The following HMGCLL1 variants were observed in gnomAD, a reference collection of about 807,000 sequenced individuals.
HMGCLL1 encodes the protein 3-hydroxymethyl-3-methylglutaryl-CoA lyase, cytoplasmic.
In HMGCLL1, 36 loss-of-function variants were observed where a neutral mutation model predicts 39.1. That is an observed-to-expected ratio of 0.92 (90% CI 0.71 to 1.22). HMGCLL1 has a LOEUF of 1.22. HMGCLL1 is among the 50% of genes most tolerant of loss of function. HMGCLL1 has a pLI of 0.00. For missense variants in HMGCLL1, 451 were observed against 416.5 expected (o/e 1.08, Z -0.72); for synonymous variants, 149 against 144.0 (o/e 1.03, Z -0.25).
At chr6:55,550,341 C>T (rs1770260094) in intron 1 of HMGCLL1, among the ~76,000 whole-genome samples, 1 of 151,850 alleles carries the variant, frequency 6.6e-6, no homozygotes, top group African/African-American at 2.4e-5. Flanking sequence ...TCTGTAATCA[C>T]CCTCAGCTAC....
intron 8 of HMGCLL1, among the ~76,000 whole-genome samples, chr6:55,436,338 G>A (rs1763372360): frequency 6.6e-6 from 1 of 152,012 alleles, no homozygotes; most frequent in South Asian, 2.1e-4. Flanking sequence ...GTACACATCT[G>A]GAACTTGTTC....
At chr6:55,522,140 T>C (rs1404132086) in intron 3 of HMGCLL1, among the ~76,000 whole-genome samples, 2 of 151,920 alleles carry the variant, frequency 1.3e-5, no homozygotes, top group Admixed American at 6.6e-5. Context: ...GATTGGTATA[T>C]TATTGATATA....
At chr6:55,448,470 C>G (rs1763951446) in intron 7 of HMGCLL1, among the ~76,000 whole-genome samples, 1 of 151,656 alleles carries the variant, frequency 6.6e-6, no homozygotes, top group Admixed American at 6.6e-5. Context: ...TTCCAATCCT[C>G]TATAATAAAT....
chr6:55,622,977 G>A, the HMGCLL1 span, among the ~76,000 whole-genome samples: 2 of 151,884 alleles, frequency 1.3e-5, no homozygotes, highest in East Asian at 1.9e-4. Flanking sequence ...TTTCTTCCTG[G>A]TTCAATCTTG....
chr6:55,452,216 C>T (rs1000520167), intron 7 of HMGCLL1, among the ~76,000 whole-genome samples: 1 of 152,152 alleles, frequency 6.6e-6, no homozygotes, highest in Non-Finnish European at 1.5e-5. Context: ...AAGTGCCTCT[C>T]ATAAAGAAGG....
At chr6:55,669,149 C>T in the HMGCLL1 span, among the ~76,000 whole-genome samples, 4 of 151,484 alleles carry the variant, frequency 2.6e-5, no homozygotes, top group African/African-American at 9.7e-5. Context: ...TTATTAATTC[C>T]TGGAGTCACT....
chr6:55,460,166 G>A (rs1764495337), intron 7 of HMGCLL1, among the ~76,000 whole-genome samples: 1 of 151,944 alleles, frequency 6.6e-6, no homozygotes, highest in Non-Finnish European at 1.5e-5. Context: ...ATATATAGCT[G>A]TGTTTTAGAA....
At chr6:55,560,274 G>A (rs1282281843) in intron 1 of HMGCLL1, among the ~76,000 whole-genome samples, 1 of 152,122 alleles carries the variant, frequency 6.6e-6, no homozygotes, top group African/African-American at 2.4e-5. Context: ...TATAACTAGA[G>A]CAAAACTATA....
intron 1 of HMGCLL1, among the ~76,000 whole-genome samples, chr6:55,576,659 G>A (rs1301493502): frequency 6.6e-6 from 1 of 152,018 alleles, no homozygotes; most frequent in East Asian, 1.9e-4. Flanking sequence ...AAAATTGATT[G>A]GTGCAATGAA....
intron 5 of HMGCLL1, 88 bp downstream of exon 5, chr6:55,513,960 T>A: frequency 1.8e-6 from 2 of 1,121,770 alleles, no homozygotes; most frequent in Non-Finnish European, 2.6e-6. Context: ...TATATTTTTA[T>A]AAATGATATA....
intron 5 of HMGCLL1, among the ~76,000 whole-genome samples, chr6:55,504,760 C>T (rs73449256): frequency 0.05 from 7,542 of 151,688 alleles, 222 homozygotes; most frequent in African/African-American, 0.059. Context: ...TATTCAATTG[C>T]TATTTCTTGT....
chr6:55,635,446 C>T, the HMGCLL1 span, among the ~76,000 whole-genome samples: 1 of 151,934 alleles, frequency 6.6e-6, no homozygotes, highest in East Asian at 1.9e-4. Flanking sequence ...AAAAAAAATT[C>T]TTTTATTTTA....
chr6:55,635,632 A>C, the HMGCLL1 span, among the ~76,000 whole-genome samples: 1 of 152,148 alleles, frequency 6.6e-6, no homozygotes, highest in African/African-American at 2.4e-5. Context: ...GCTTTCGCTT[A>C]AGTTTGTGGA....
At chr6:55,515,963 A>G (rs979788858) in intron 4 of HMGCLL1, among the ~76,000 whole-genome samples, 2 of 152,074 alleles carry the variant, frequency 1.3e-5, no homozygotes, top group African/African-American at 4.8e-5. Flanking sequence ...GGATAGTCTC[A>G]TATGTATAAT....
At chr6:55,462,010 A>G (rs543221558) in intron 7 of HMGCLL1, among the ~76,000 whole-genome samples, 1 of 152,266 alleles carries the variant, frequency 6.6e-6, no homozygotes, top group Admixed American at 6.5e-5. Flanking sequence ...TGACATTCCT[A>G]CCAAATACAG....
chr6:55,439,616 C>T lies in HMGCLL1; in HGVS notation c.796-57G>A, dbSNP rs1020082427. The T allele has an allele frequency of 1.9e-6, 3 of 1,574,092 alleles. No individual in the cohort carries two copies. In the African/African-American group the frequency reaches 4.1e-5, roughly 21 times the overall value. ...TGTGTTTATGGCATGTAAATTGTTG[C>T]ATTTCTATTTAACCTATGGTAAACT... On this transcript the variant is annotated intron_variant, in intron 7 of 8. Transcript: ENST00000274901.
chr6:55,627,961 A>ATTATATATATAGTATATATACT, the HMGCLL1 span, among the ~76,000 whole-genome samples: 2 of 854 alleles, frequency 2.3e-3, 1 homozygote, highest in Non-Finnish European at 4.3e-3. Context: ...CTATATATAT[A>ATTATATATATAGTATATATACT]ATATATATAT....
Position 55,541,796 on chromosome 6 carries a change from C to T in HMGCLL1, c.230G>A (p.Arg77Gln), listed in dbSNP as rs748496553. 4.4e-6 allele frequency: 7 copies of T among 1,608,164 alleles called. No homozygotes were observed. Among genetic ancestry groups the T allele is most frequent in the Admixed American group, 3.4e-5 (2 of 59,424 alleles). ...TACAGACAAGCCAGTTTGGGAAAGT[C>T]GATTGATAAATTCAATTTTTATATC... ...PTDIKIEFIN[R>Q]LSQTGLSVIE... The change falls in exon 3 of 9, where the codon CGA becomes CAA. Residue 77 changes from arginine (R) to glutamine (Q), a missense_variant. Transcript: ENST00000274901.
At chr6:55,585,048 A>G in the HMGCLL1 span, among the ~76,000 whole-genome samples, 1 of 152,092 alleles carries the variant, frequency 6.6e-6, no homozygotes, top group Non-Finnish European at 1.5e-5. Flanking sequence ...TAAATTGATC[A>G]GAAGGATAAC....
Sources: allele counts gnomAD v4.1 joint callset (sites outside exome capture counted in the v4.1 genomes callset), GRCh38; gene constraint gnomAD v4.1.1; transcripts MANE v1.5; gene names NCBI Gene and HGNC (gene_info 2026-07-23, HGNC 2026-07-21).